Variants in TEX9 observed in about 807,000 individuals in gnomAD.
TEX9 encodes the protein testis expressed 9, also known as testis-expressed protein 9.
TEX9 carries 74 observed loss-of-function variants against 59.6 expected under a neutral mutation model. The ratio of observed to expected loss-of-function variants is 1.24; its 90% CI spans 1.03 to 1.51. The LOEUF is 1.51. Among genes scored for constraint, TEX9 ranks in the 40% most tolerant of loss-of-function variants. The pLI is 0.00. For synonymous variants in TEX9, 186 were observed against 152.2 expected (o/e 1.22, Z -1.64); for missense variants, 522 against 447.8 (o/e 1.17, Z -1.49).
chr15:56,376,426 T>C (rs1305236533), intron 3 of TEX9, among the ~76,000 whole-genome samples: 1 of 152,118 alleles, frequency 6.6e-6, no homozygotes, highest in Non-Finnish European at 1.5e-5. Flanking sequence ...TATTGCCTGA[T>C]TGCCTGTCTT....
chr15:56,258,543 T>C (rs1378053122), intron 1 of TEX9, among the ~76,000 whole-genome samples: 3 of 152,006 alleles, frequency 2.0e-5, no homozygotes, highest in Non-Finnish European at 4.4e-5. Context: ...TATTCTTTTG[T>C]AGCAATTGTG....
intron 12 of TEX9, among the ~76,000 whole-genome samples, chr15:56,432,871 T>C (rs1016124592): frequency 3.1e-4 from 47 of 152,208 alleles, no homozygotes; most frequent in African/African-American, 1.0e-3. Context: ...AAAGAAGTCA[T>C]GTAAGTCTCA....
chr15:56,385,475 G>A (rs1312874501), intron 4 of TEX9, among the ~76,000 whole-genome samples: 1 of 152,106 alleles, frequency 6.6e-6, no homozygotes, highest in African/African-American at 2.4e-5. Flanking sequence ...TTTCATTTGG[G>A]TAAAATGGCC....
the TEX9 span, among the ~76,000 whole-genome samples, chr15:56,453,551 T>C: frequency 1.4e-4 from 22 of 152,198 alleles, no homozygotes; most frequent in African/African-American, 5.3e-4. Context: ...TGGTTTTTGC[T>C]GAACTTAAAT....
intron 1 of TEX9, among the ~76,000 whole-genome samples, chr15:56,249,735 T>A (rs1414169524): frequency 1.0e-5 from 1 of 95,566 alleles, no homozygotes; most frequent in Non-Finnish European, 2.0e-5. Context: ...ACAGTGAGGA[T>A]CTGTCTCAAA....
intron 4 of TEX9, among the ~76,000 whole-genome samples, chr15:56,384,797 G>T (rs1485143537): frequency 7.2e-5 from 11 of 152,160 alleles, no homozygotes; most frequent in Admixed American, 5.9e-4. Context: ...AGGCACAACA[G>T]GTGTCTAATG....
intron 12 of TEX9, among the ~76,000 whole-genome samples, chr15:56,442,392 A>G (rs1020606127): frequency 6.6e-6 from 1 of 152,230 alleles, no homozygotes; most frequent in African/African-American, 2.4e-5. Flanking sequence ...TGCTGGGTAT[A>G]TACCCAAAGG....
chr15:56,399,127 A>G (rs1039343165), intron 9 of TEX9, among the ~76,000 whole-genome samples: 2 of 152,206 alleles, frequency 1.3e-5, no homozygotes, highest in African/African-American at 4.8e-5. Flanking sequence ...GGTGCAGCCC[A>G]CGGAGGGTGA....
upstream of TEX9, among the ~76,000 whole-genome samples, chr15:56,361,290 T>C (rs1332736207): frequency 2.6e-5 from 4 of 152,222 alleles, no homozygotes; most frequent in African/African-American, 7.2e-5. Context: ...GCCTTGAAGG[T>C]AGACATTCAG....
At chr15:56,396,812 C>A (rs546239517) in intron 9 of TEX9, 2 of 152,150 alleles carry the variant, frequency 1.3e-5, no homozygotes, top group African/African-American at 4.8e-5. Context: ...GTGAGACATG[C>A]CTTTTACTTT....
chr15:56,273,561 T>G (rs1329752095), intron 1 of TEX9, among the ~76,000 whole-genome samples: 2 of 152,332 alleles, frequency 1.3e-5, no homozygotes, highest in African/African-American at 4.8e-5. Flanking sequence ...GGAAAAAAAG[T>G]CTTTTATCTT....
chr15:56,294,299 T>G (rs1203673629), intron 1 of TEX9, among the ~76,000 whole-genome samples: 6 of 152,202 alleles, frequency 3.9e-5, no homozygotes, highest in African/African-American at 1.4e-4. Flanking sequence ...TGATCCTGCT[T>G]CTTGTCTTTT....
intron 10 of TEX9, among the ~76,000 whole-genome samples, chr15:56,420,999 A>C (rs1371747861): frequency 6.6e-6 from 1 of 151,792 alleles, no homozygotes; most frequent in East Asian, 1.9e-4. Flanking sequence ...TGTGCCCTTG[A>C]TAGGAATGTG....
intron 9 of TEX9, among the ~76,000 whole-genome samples, chr15:56,406,863 A>G (rs757112170): frequency 2.0e-5 from 3 of 152,172 alleles, no homozygotes; most frequent in African/African-American, 4.8e-5. Flanking sequence ...GTTTCTCTCA[A>G]TCCGACTTGG....
At chr15:56,345,038 G>GAT (rs58688246) in intron 1 of TEX9, among the ~76,000 whole-genome samples, 81,152 of 141,104 alleles carry the variant, frequency 0.58, 24,021 homozygotes, top group Non-Finnish European at 0.67. Flanking sequence ...TATCTATCTG[G>GAT]ATATATATAT....
At chr15:56,408,138 C>A (rs2049166950) in intron 9 of TEX9, among the ~76,000 whole-genome samples, 1 of 152,136 alleles carries the variant, frequency 6.6e-6, no homozygotes, top group South Asian at 2.1e-4. Context: ...TGAAGCTTCC[C>A]AAAATTATTG....
chr15:56,311,416 A>G (rs2045613078), intron 1 of TEX9, among the ~76,000 whole-genome samples: 1 of 136,662 alleles, frequency 7.3e-6, no homozygotes, highest in South Asian at 2.5e-4. Flanking sequence ...TTCTTGCGAT[A>G]GTTTACTGAG....
intron 1 of TEX9, among the ~76,000 whole-genome samples, chr15:56,333,024 A>G (rs74766106): frequency 0.016 from 2,502 of 152,314 alleles, 66 homozygotes; most frequent in African/African-American, 0.056. Context: ...GGAAGCCATA[A>G]TAAAAAGTCT....
At chr15:56,430,747 A>G (rs2050567035) in intron 12 of TEX9, among the ~76,000 whole-genome samples, 1 of 152,114 alleles carries the variant, frequency 6.6e-6, no homozygotes, top group African/African-American at 2.4e-5. Flanking sequence ...CAGTTCAACC[A>G]TGTGCCTATT....
Sources: gnomAD v4.1 joint callset for allele counts (sites outside exome capture counted in the v4.1 genomes callset) on GRCh38, gnomAD v4.1.1 for gene constraint, MANE v1.5 for transcripts, NCBI Gene and HGNC (gene_info 2026-07-23, HGNC 2026-07-21) for gene names.